The following BRDT variants were observed in gnomAD, a reference collection of about 807,000 sequenced individuals.
The protein encoded by BRDT is bromodomain testis-specific protein.
A neutral mutation model predicts 113.9 loss-of-function variants in BRDT; 77 were observed. That is an observed-to-expected ratio of 0.68 (90% CI 0.56 to 0.82). BRDT has a LOEUF of 0.82. Among genes scored for constraint, BRDT ranks in the 40% least tolerant of loss-of-function variants. The pLI is 0.00. For synonymous variants in BRDT, 358 were observed against 366.5 expected (o/e 0.98, Z 0.26); for missense variants, 1,027 against 1,105.4 (o/e 0.93, Z 1.01).
At chr1:91,995,149 A>C (rs1393252731) in intron 15 of BRDT, among the ~76,000 whole-genome samples, 1 of 152,042 alleles carries the variant, frequency 6.6e-6, no homozygotes, top group Non-Finnish European at 1.5e-5. Flanking sequence ...TTCTGATACG[A>C]GTTTAGCCTA....
intron 15 of BRDT, 51 bp downstream of exon 15, chr1:91,994,305 C>T: frequency 7.3e-7 from 1 of 1,378,416 alleles, no homozygotes; most frequent in Non-Finnish European, 9.9e-7. Flanking sequence ...ACTTCTAAAC[C>T]TATACATATA....
chr1:92,013,538 GAA>G (rs1207559091), intron 18 of BRDT, among the ~76,000 whole-genome samples: 2 of 152,146 alleles, frequency 1.3e-5, no homozygotes, highest in African/African-American at 4.8e-5. Flanking sequence ...AGATGCTAAA[GAA>G]TATCTATAAG....
intron 14 of BRDT, among the ~76,000 whole-genome samples, chr1:91,993,752 C>T (rs777880810): frequency 1.3e-5 from 2 of 152,060 alleles, no homozygotes; most frequent in Non-Finnish European, 2.9e-5. Context: ...TTAGTAATTA[C>T]AGGAAAGCTT....
chr1:91,973,814 T>C (rs1056802116), intron 4 of BRDT, among the ~76,000 whole-genome samples: 1 of 152,152 alleles, frequency 6.6e-6, no homozygotes, highest in African/African-American at 2.4e-5. Context: ...TCCAACACTA[T>C]GTTGAATAGG....
intron 2 of BRDT, among the ~76,000 whole-genome samples, chr1:91,963,175 T>C (rs774645902): frequency 2.0e-5 from 3 of 152,068 alleles, no homozygotes; most frequent in Non-Finnish European, 4.4e-5. Flanking sequence ...AATACAAAAT[T>C]AGCCGGGCGT....
In BRDT at chr1:91,976,358, G is replaced by A; in HGVS notation, c.538G>A (p.Val180Ile). 6.2e-7 allele frequency: 1 copy of A among 1,612,708 alleles called. No homozygotes were observed. The highest frequency in any genetic ancestry group is 8.5e-7 in the Non-Finnish European group (1 of 1,179,510). Residue 180 changes from valine (V) to isoleucine (I), a missense_variant, in exon 5 of 19, where the codon GTA becomes ATA. Coordinates refer to ENST00000399546, the MANE Select transcript of BRDT (RefSeq NM_207189.4). ...KVFKQQEIPSVFPKTSISPLN... is the reference protein window; with the variant it reads ...KVFKQQEIPSIFPKTSISPLN... ...ATTTAAGCAGCAAGAAATTCCTTCT[G>A]TATTTCCTAAGACATCTATTTCTCC...
At chr1:91,985,050 T>C (rs1685078580) in intron 12 of BRDT, among the ~76,000 whole-genome samples, 1 of 152,030 alleles carries the variant, frequency 6.6e-6, no homozygotes, top group South Asian at 2.1e-4. Context: ...TGATTATTTA[T>C]TGAAGATAAT....
chr1:91,966,725 T>G (rs1683102132), intron 3 of BRDT, among the ~76,000 whole-genome samples: 1 of 152,204 alleles, frequency 6.6e-6, no homozygotes, highest in African/African-American at 2.4e-5. Context: ...TTTTTCTCAG[T>G]CATAAATTGA....
At chr1:91,958,924 C>A (rs1226454351) in intron 1 of BRDT, among the ~76,000 whole-genome samples, 1 of 151,842 alleles carries the variant, frequency 6.6e-6, no homozygotes, top group Non-Finnish European at 1.5e-5. Context: ...TGGTATGTAC[C>A]TATAGTCCCA....
At chr1:91,996,326 G>A (rs1002338371) in intron 15 of BRDT, among the ~76,000 whole-genome samples, 4 of 152,044 alleles carry the variant, frequency 2.6e-5, no homozygotes, top group Admixed American at 6.6e-5. Context: ...TCTGCTCACC[G>A]CAACCTCTGC....
intron 1 of BRDT, among the ~76,000 whole-genome samples, chr1:91,959,272 C>G (rs1467589998): frequency 1.3e-5 from 2 of 151,924 alleles, no homozygotes; most frequent in Non-Finnish European, 2.9e-5. Flanking sequence ...AGTGGTTAAC[C>G]TTTGTGGATG....
chr1:91,984,284 G>T (rs1488031373), intron 12 of BRDT, among the ~76,000 whole-genome samples: 5 of 151,692 alleles, frequency 3.3e-5, no homozygotes, highest in African/African-American at 1.2e-4. Context: ...TATTTTAAAG[G>T]CTCTTAATTT....
At chr1:92,008,562 A>G (rs1347580488) in intron 18 of BRDT, among the ~76,000 whole-genome samples, 1 of 152,146 alleles carries the variant, frequency 6.6e-6, no homozygotes, top group Non-Finnish European at 1.5e-5. Context: ...TTCGTGTTGT[A>G]CTTTTTATGG....
In BRDT at chr1:91,949,595, T is replaced by G. The variant is rs945853046; in HGVS notation, c.-125T>G. 6.6e-6 allele frequency: 1 copy of G among 151,950 alleles called. No individual in the cohort carries two copies. Among genetic ancestry groups the G allele is most frequent in the Admixed American group, 6.6e-5 (1 of 15,222 alleles). The allele number at this position is 151,950 out of a possible 1,614,324, so 9.4% of individuals were successfully genotyped here. Reference sequence around the variant, plus strand: ...GCCTTGGGTGGGAACAACCGTTTTTTCCCCCCTCTCCCCTCCCCGACCCCA... The same window carrying G: ...GCCTTGGGTGGGAACAACCGTTTTTGCCCCCCTCTCCCCTCCCCGACCCCA... On this transcript the variant is annotated 5_prime_UTR_variant, in exon 1 of 19. Transcript: ENST00000399546.
intron 15 of BRDT, among the ~76,000 whole-genome samples, chr1:91,994,793 A>C (rs6682535): frequency 7.1e-6 from 1 of 140,928 alleles, no homozygotes; most frequent in Non-Finnish European, 1.5e-5. Context: ...GCGTGAACCC[A>C]GGAGGCGGAG....
At chr1:92,008,141 C>G (rs572464504) in intron 18 of BRDT, among the ~76,000 whole-genome samples, 8 of 152,306 alleles carry the variant, frequency 5.3e-5, no homozygotes, top group African/African-American at 1.9e-4. Flanking sequence ...TAGTCTCGAA[C>G]TCCTAACCTC....
intron 13 of BRDT, among the ~76,000 whole-genome samples, chr1:91,991,900 G>T (rs1685793234): frequency 6.6e-6 from 1 of 150,856 alleles, no homozygotes; most frequent in Non-Finnish European, 1.5e-5. Flanking sequence ...GCTGAGGCAG[G>T]AGGATGGCGT....
chr1:91,975,212 A>G (rs1684017673), intron 4 of BRDT, among the ~76,000 whole-genome samples: 2 of 152,098 alleles, frequency 1.3e-5, no homozygotes, highest in Non-Finnish European at 2.9e-5. Flanking sequence ...GCACACCAAC[A>G]TGGCACATGT....
chr1:91,981,587 T>G, intron 11 of BRDT, 31 bp from the exon 12 acceptor site: 4 of 1,606,856 alleles, frequency 2.5e-6, no homozygotes, highest in Non-Finnish European at 3.4e-6. Flanking sequence ...TTAATTCTTC[T>G]GGCATTTTAA....
Sources: allele counts gnomAD v4.1 joint callset (sites outside exome capture counted in the v4.1 genomes callset), GRCh38; gene constraint gnomAD v4.1.1; transcripts MANE v1.5; gene names NCBI Gene and HGNC (gene_info 2026-07-23, HGNC 2026-07-21).